Variants in LCLAT1 observed in about 807,000 individuals in gnomAD.
LCLAT1 encodes 1-AGP acyltransferase 8.
In LCLAT1, 11 loss-of-function variants were observed where a neutral mutation model predicts 30.7. That is an observed-to-expected ratio of 0.36 (90% confidence interval 0.23 to 0.59). The LOEUF (loss-of-function observed/expected upper bound fraction) is 0.59, where lower values mean the gene tolerates loss of function less well. LCLAT1 is among the 20% of genes least tolerant of loss of function. The probability of loss-of-function intolerance (pLI) is 0.77; values close to 1 mark genes in which losing one functional copy is unlikely to be tolerated. For synonymous variants in LCLAT1, 155 were observed against 151.3 expected, an observed-to-expected ratio of 1.02 and a Z score of -0.18; for missense variants, 402 against 458.6, an observed-to-expected ratio of 0.88 and a Z score of 1.13.
intron 1 of LCLAT1, among the ~76,000 whole-genome samples, chr2:30,469,391 A>G (rs570680872): frequency 6.6e-6 from 1 of 151,838 alleles, no homozygotes; most frequent in Non-Finnish European, 1.5e-5. Flanking sequence ...TAGGTTTTTG[A>G]TAGATTTTGA....
At chr2:30,503,941 C>T (rs1424261518) in intron 1 of LCLAT1, among the ~76,000 whole-genome samples, 3 of 152,146 alleles carry the variant, frequency 2.0e-5, no homozygotes, top group Admixed American at 6.5e-5. Flanking sequence ...CCTTAGCCTT[C>T]TAAGATCCCC....
intron 1 of LCLAT1, among the ~76,000 whole-genome samples, chr2:30,480,836 C>A (rs2148309750): frequency 6.6e-6 from 1 of 152,200 alleles, no homozygotes; most frequent in Admixed American, 6.5e-5. Context: ...CAATATGGTC[C>A]TTACAACTAC....
chr2:30,611,533 C>A (rs940496888), intron 5 of LCLAT1, among the ~76,000 whole-genome samples: 2 of 152,100 alleles, frequency 1.3e-5, no homozygotes, highest in African/African-American at 4.8e-5. Flanking sequence ...CTTTCTCTCT[C>A]CCCCTGACTC....
chr2:30,539,633 C>G (rs1217524128), intron 3 of LCLAT1, among the ~76,000 whole-genome samples: 1 of 152,134 alleles, frequency 6.6e-6, no homozygotes, highest in Admixed American at 6.5e-5. Flanking sequence ...GTCCACTAAT[C>G]ATTTTAAGGA....
chr2:30,508,673 A>G (rs576031441), intron 1 of LCLAT1, among the ~76,000 whole-genome samples: 2 of 152,064 alleles, frequency 1.3e-5, no homozygotes, highest in Non-Finnish European at 2.9e-5. Context: ...TATAGTTTTA[A>G]GTTGGGTAGC....
chr2:30,608,778 A>G (rs1385212230), intron 5 of LCLAT1, among the ~76,000 whole-genome samples: 1 of 152,092 alleles, frequency 6.6e-6, no homozygotes, highest in African/African-American at 2.4e-5. Context: ...AAAATTGCCT[A>G]AAGACACATC....
chr2:30,633,633 C>T (rs565778510), intron 5 of LCLAT1, among the ~76,000 whole-genome samples: 23 of 152,062 alleles, frequency 1.5e-4, no homozygotes, highest in African/African-American at 4.1e-4. Context: ...TGCAGTGAGC[C>T]GAGGTCACGC....
intron 1 of LCLAT1, among the ~76,000 whole-genome samples, chr2:30,511,020 C>T (rs1684915145): frequency 6.6e-6 from 1 of 151,874 alleles, no homozygotes; most frequent in South Asian, 2.1e-4. Flanking sequence ...AGTTTATTTC[C>T]TTCAAGTATA....
At chr2:30,523,866 C>G (rs1463717737) in intron 1 of LCLAT1, among the ~76,000 whole-genome samples, 1 of 152,144 alleles carries the variant, frequency 6.6e-6, no homozygotes, top group Non-Finnish European at 1.5e-5. Context: ...GACGCAATCT[C>G]AAAACAAACA....
At chr2:30,539,739 A>G (rs916288423) in intron 3 of LCLAT1, among the ~76,000 whole-genome samples, 5 of 152,232 alleles carry the variant, frequency 3.3e-5, no homozygotes, top group African/African-American at 1.2e-4. Flanking sequence ...TTTCAGGAGA[A>G]GGAAAAGGTA....
chr2:30,459,809 T>C (rs1023514024), intron 1 of LCLAT1: 2 of 884,020 alleles, frequency 2.3e-6, no homozygotes, highest in African/African-American at 3.3e-5. Context: ...GATCATAGTT[T>C]GTTCCTGTTT....
At chr2:30,555,038 T>C (rs1664854249) in intron 3 of LCLAT1, among the ~76,000 whole-genome samples, 1 of 152,114 alleles carries the variant, frequency 6.6e-6, no homozygotes, top group Non-Finnish European at 1.5e-5. Flanking sequence ...AAAAGTTCCA[T>C]ACCTAGACTA....
At position 30,533,226 on chromosome 2, in the gene LCLAT1, G is replaced by A. The variant is rs761379285; in HGVS notation, c.276G>A (p.Met92Ile). 3.7e-6 allele frequency: 6 copies of A among 1,614,038 alleles called. No individual in the cohort carries two copies. The highest frequency in any genetic ancestry group is 1.7e-4 in the Middle Eastern group (1 of 6,058). ...ACCATCGGACAAGAATGGACTGGAT[G>A]TTCCTGTGGAATTGCCTGATGCGAT... ...IMNHRTRMDWMFLWNCLMRYS... is the reference protein window; with the variant it reads ...IMNHRTRMDWIFLWNCLMRYS... The change falls in exon 3 of 6, where the codon ATG becomes ATA. Residue 92 changes from methionine to isoleucine, a missense_variant. Transcript: ENST00000379509.
At chr2:30,567,448 A>G (rs777775100) in intron 4 of LCLAT1, among the ~76,000 whole-genome samples, 1 of 152,134 alleles carries the variant, frequency 6.6e-6, no homozygotes, top group Non-Finnish European at 1.5e-5. Context: ...TCCACTAGAC[A>G]CTTCCTTGCA....
At chr2:30,600,743 G>A (rs1667143119) in intron 5 of LCLAT1, among the ~76,000 whole-genome samples, 1 of 152,078 alleles carries the variant, frequency 6.6e-6, no homozygotes, top group African/African-American at 2.4e-5. Flanking sequence ...TTGAGAATCT[G>A]ATGATTATGT....
At chr2:30,603,533 A>G (rs149810075) in intron 5 of LCLAT1, among the ~76,000 whole-genome samples, 1,833 of 152,256 alleles carry the variant, frequency 0.012, 13 homozygotes, top group Non-Finnish European at 0.021. Context: ...CAAATTCTCA[A>G]TCAAATGAGA....
intron 1 of LCLAT1, among the ~76,000 whole-genome samples, chr2:30,457,159 T>C (rs1274451147): frequency 6.6e-6 from 1 of 152,230 alleles, no homozygotes; most frequent in Admixed American, 6.5e-5. Flanking sequence ...ATTAATAATA[T>C]AATTTCTGGC....
At chr2:30,572,765 G>C (rs1665839184) in intron 5 of LCLAT1, among the ~76,000 whole-genome samples, 1 of 150,860 alleles carries the variant, frequency 6.6e-6, no homozygotes, top group South Asian at 2.1e-4. Flanking sequence ...TCTACTGTGA[G>C]TTCTGTTTAA....
chr2:30,624,048 T>C (rs1164498169), intron 5 of LCLAT1, among the ~76,000 whole-genome samples: 1 of 152,152 alleles, frequency 6.6e-6, no homozygotes, highest in Non-Finnish European at 1.5e-5. Context: ...ACAGTCTTTT[T>C]CAGACAAACA....
Sources: allele counts gnomAD v4.1 joint callset (sites outside exome capture counted in the v4.1 genomes callset), GRCh38; gene constraint gnomAD v4.1.1; transcripts MANE v1.5; gene names NCBI Gene and HGNC (gene_info 2026-07-23, HGNC 2026-07-21).